The following USP38 variants were observed in gnomAD, a reference collection of about 807,000 sequenced individuals.
USP38 encodes ubiquitin carboxyl-terminal hydrolase 38.
In USP38, 49 loss-of-function variants were observed where a neutral mutation model predicts 94.3. That is an observed-to-expected ratio of 0.52 (90% CI 0.41 to 0.66). The LOEUF is 0.66. Ranked by LOEUF, USP38 falls within the 30% of genes least tolerant of loss-of-function variation. USP38 has a pLI of 0.00. For missense variants in USP38, 1,128 were observed against 1,229.4 expected (o/e 0.92, Z 1.23); for synonymous variants, 468 against 463.6 (o/e 1.01, Z -0.12).
In USP38 at chr4:143,187,826, A is replaced by T. The variant is rs770612739; in HGVS notation, c.683A>T (p.Asp228Val). 1 of 1,606,468 alleles carries T rather than the reference A, an allele frequency of 6.2e-7. No homozygotes were observed. Among genetic ancestry groups the T allele is most frequent in the South Asian group, 1.1e-5 (1 of 89,318 alleles). The change falls in exon 2 of 10, where the codon GAT (aspartate) becomes GTT (valine). Residue 228 changes from aspartate (D) to valine (V), a missense_variant and splice_region_variant. Transcript: ENST00000307017. ...CTTTTCTTTTTAATTGAAAAAACAG[A>T]TGCATCATTTGAACCTTCTGTAGCA... The part of the protein sequence containing the change: ...QEVFASISST[D>V]ASFEPSVALA...
chr4:143,218,520 G>A (rs1732242320), intron 9 of USP38, among the ~76,000 whole-genome samples: 1 of 151,808 alleles, frequency 6.6e-6, no homozygotes, highest in Non-Finnish European at 1.5e-5. Context: ...ATTTTTTTCT[G>A]TCAGCCATAT....
chr4:143,193,521 G>A (rs6855499), intron 2 of USP38, among the ~76,000 whole-genome samples: 4,696 of 152,226 alleles, frequency 0.031, 220 homozygotes, highest in African/African-American at 0.11. Context: ...GTTGGAAGAC[G>A]TGGAATAGCT....
At chr4:143,205,310 G>T (rs749415224) in intron 5 of USP38, among the ~76,000 whole-genome samples, 27 of 152,166 alleles carry the variant, frequency 1.8e-4, no homozygotes, top group Non-Finnish European at 3.2e-4. Flanking sequence ...AGGTCTAAGT[G>T]CCAGATGCTA....
At chr4:143,187,701 A>G in intron 1 of USP38, 125 bp from the exon 2 acceptor site, 2 of 976,820 alleles carry the variant, frequency 2.0e-6, no homozygotes, top group Admixed American at 6.1e-5. Context: ...ATGAGGGTGT[A>G]GCATAATAAT....
chr4:143,202,833 T>C (rs1167059557), intron 4 of USP38, among the ~76,000 whole-genome samples: 2 of 152,100 alleles, frequency 1.3e-5, no homozygotes, highest in Admixed American at 6.6e-5. Context: ...TGCTGTGAAA[T>C]GGGATTTGTT....
chr4:143,214,576 G>A lies in USP38; in HGVS notation c.2600G>A (p.Ser867Asn). 4 of 1,613,576 alleles carry A rather than the reference G, an allele frequency of 2.5e-6. No homozygotes were observed. The highest frequency in any genetic ancestry group is 1.7e-4 in the Middle Eastern group (1 of 6,058). ...TATTCTTATGCCAGGAATATCACAA[G>A]TACAGACTCTTCATATCAGATGTAC... ...HYYSYARNIT[S>N]TDSSYQMYHQ... Residue 867 changes from serine (S) to asparagine (N), a missense_variant, in exon 9 of 10, where the codon AGT becomes AAT. Physicochemically the swap from Ser to Asn is conservative, Grantham distance 46. Coordinates refer to ENST00000307017, the MANE Select transcript of USP38 (RefSeq NM_032557.6).
intron 2 of USP38, among the ~76,000 whole-genome samples, 200 bp downstream of exon 2, chr4:143,188,161 A>G (rs1731283945): frequency 6.6e-6 from 1 of 152,090 alleles, no homozygotes; most frequent in Admixed American, 6.5e-5. Flanking sequence ...TTTCAATTCA[A>G]CTTTTTTTAA....
intron 4 of USP38, among the ~76,000 whole-genome samples, chr4:143,200,247 CAAAT>C (rs1731673251): frequency 1.3e-5 from 2 of 151,924 alleles, no homozygotes; most frequent in Admixed American, 6.6e-5. Context: ...TTAGCATACA[CAAAT>C]AAATCACATA....
In USP38 at chr4:143,214,495, A is replaced by G. The variant is rs1732128348; in HGVS notation, c.2519A>G (p.Tyr840Cys). Residue 840 changes from tyrosine (Y) to cysteine (C), a missense_variant, in exon 9 of 10, where the codon TAT becomes TGT. Physicochemically the swap from Tyr to Cys is radical, Grantham distance 194 (BLOSUM62 -2). Transcript: ENST00000307017. ...GCTTCCTGCACAAAATTGGTGCCCT[A>G]TCTATTAAGTTCCGTTGTGGTTCAC... is the stretch of plus-strand genomic sequence containing the variant. The part of the protein sequence containing the change: ...DEASCTKLVP[Y>C]LLSSVVVHSG... The G allele has an allele frequency of 1.2e-6, 2 of 1,613,424 alleles. No individual in the cohort carries two copies. The highest frequency in any genetic ancestry group is 1.3e-5 in the African/African-American group (1 of 75,014).
In USP38 at chr4:143,205,938, C is replaced by T. The variant is rs577601010; in HGVS notation, c.1210-95C>T. On this transcript the variant is annotated intron_variant, in intron 5 of 9. Coordinates refer to ENST00000307017, the MANE Select transcript of USP38 (RefSeq NM_032557.6). ...GTGGGGGAAAAGAAAGTTCAAATGT[C>T]GGTGTAAGAATCTTCTTAATGGTGT... 367 of 889,808 alleles carry T rather than the reference C, an allele frequency of 4.1e-4. 2 individuals are homozygous for T. The highest frequency in any genetic ancestry group is 5.1e-4 in the Non-Finnish European group (326 of 639,870). 55.1% of individuals were successfully genotyped at this position (889,808 alleles called of 1,614,324 possible).
At position 143,185,212 on chromosome 4, in the gene USP38, G is replaced by T; in HGVS notation, c.-239G>T. ...CGGCGGCGGAGTACGGGCCTCTGGC[G>T]CCTTAGGCCAGCCGCAGGTGTCGGT... On this transcript the variant is annotated 5_prime_UTR_variant, in exon 1 of 10. Coordinates refer to ENST00000307017, the MANE Select transcript of USP38 (RefSeq NM_032557.6). The T allele has an allele frequency of 2.1e-6, 1 of 467,856 alleles. No individual in the cohort carries two copies. The highest frequency in any genetic ancestry group is 3.7e-6 in the Non-Finnish European group (1 of 266,990). 29.0% of individuals were successfully genotyped at this position (467,856 alleles called of 1,614,324 possible).
Position 143,220,441 on chromosome 4 carries a change from C to G in USP38, c.3114C>G (p.Gly1038=). The stretch of plus-strand genomic sequence containing the variant: ...GTGGAGGAGGATTTAATACAGTTGG[C>G]AGACTCGTATTTTGATCCTGAGAGA... ...GGGGGGFNTV[G]RLVF is the part of the protein sequence containing the mutation. Residue 1038 remains glycine, a synonymous_variant, in exon 10 of 10, where the codon GGC becomes GGG. Transcript: ENST00000307017. 6.2e-7 allele frequency: 1 copy of G among 1,611,960 alleles called. No homozygotes were observed. Among genetic ancestry groups the G allele is most frequent in the South Asian group, 1.1e-5 (1 of 90,918 alleles).
chr4:143,204,891 C>G (rs921122068), intron 5 of USP38, among the ~76,000 whole-genome samples: 1 of 152,092 alleles, frequency 6.6e-6, no homozygotes, highest in Non-Finnish European at 1.5e-5. Flanking sequence ...ACTTCTGTAT[C>G]TGAGGTGGAT....
At chr4:143,201,587 T>C (rs1350030993) in intron 4 of USP38, among the ~76,000 whole-genome samples, 1 of 152,172 alleles carries the variant, frequency 6.6e-6, no homozygotes, top group Non-Finnish European at 1.5e-5. Flanking sequence ...AGCATCATCA[T>C]AATTCATCAT....
intron 8 of USP38, 95 bp from the exon 9 acceptor site, chr4:143,213,486 G>T (rs1312823893): frequency 1.6e-6 from 2 of 1,257,704 alleles, no homozygotes; most frequent in Non-Finnish European, 1.1e-6. Context: ...CATTAAATTT[G>T]ATTAGAATAG....
At chr4:143,210,408 GA>G (rs1731991575) in intron 7 of USP38, among the ~76,000 whole-genome samples, 1 of 151,984 alleles carries the variant, frequency 6.6e-6, no homozygotes, top group African/African-American at 2.4e-5. Context: ...CCAACATTGT[GA>G]AACCCCATCT....
At chr4:143,192,384 G>A (rs1347315979) in intron 2 of USP38, among the ~76,000 whole-genome samples, 3 of 151,900 alleles carry the variant, frequency 2.0e-5, no homozygotes, top group East Asian at 3.9e-4. Flanking sequence ...GGCTGGTCTC[G>A]AACTTCTGAC....
chr4:143,189,203 C>T (rs1218170979), intron 2 of USP38, among the ~76,000 whole-genome samples: 1 of 151,948 alleles, frequency 6.6e-6, no homozygotes, highest in Non-Finnish European at 1.5e-5. Flanking sequence ...GGAAGAATAT[C>T]AGTACTATTT....
At chr4:143,215,728 G>C (rs1303860263) in intron 9 of USP38, among the ~76,000 whole-genome samples, 2 of 152,012 alleles carry the variant, frequency 1.3e-5, no homozygotes, top group Non-Finnish European at 2.9e-5. Flanking sequence ...GTGTTTGAAA[G>C]TCACTCCTGA....
Sources: allele counts gnomAD v4.1 joint callset (sites outside exome capture counted in the v4.1 genomes callset), GRCh38; gene constraint gnomAD v4.1.1; transcripts MANE v1.5; gene names NCBI Gene and HGNC (gene_info 2026-07-23, HGNC 2026-07-21).